HS3ST4: variants seen among roughly 807,000 people sequenced by gnomAD.
HS3ST4 encodes heparan sulfate glucosamine 3-O-sulfotransferase 4.
Under a neutral mutation model 29.2 loss-of-function variants are expected in HS3ST4, and 17 were observed. The ratio of observed to expected loss-of-function variants is 0.58; its 90% CI spans 0.40 to 0.87. The LOEUF (loss-of-function observed/expected upper bound fraction) is 0.87, where lower values mean the gene tolerates loss of function less well. Among genes scored for constraint, HS3ST4 ranks in the 40% least tolerant of loss-of-function variants. The pLI, the probability that HS3ST4 is intolerant of heterozygous loss-of-function variation, is 0.00. For missense variants in HS3ST4, 627 were observed against 634.5 expected (o/e 0.99, Z 0.13); for synonymous variants, 314 against 285.7 (o/e 1.10, Z -1.00).
intron 1 of HS3ST4, among the ~76,000 whole-genome samples, chr16:25,989,515 A>G (rs759274334): frequency 2.0e-5 from 3 of 152,178 alleles, no homozygotes; most frequent in Non-Finnish European, 2.9e-5. Context: ...GAAAGTCCTC[A>G]GCTATATAAA....
intron 1 of HS3ST4, among the ~76,000 whole-genome samples, chr16:25,873,091 T>A (rs1269725487): frequency 6.6e-6 from 1 of 152,054 alleles, no homozygotes; most frequent in Non-Finnish European, 1.5e-5. Context: ...TTTTGTGGAG[T>A]TCTAACTGTT....
chr16:26,123,560 G>A (rs1899304286), intron 1 of HS3ST4, among the ~76,000 whole-genome samples: 1 of 152,090 alleles, frequency 6.6e-6, no homozygotes, highest in Non-Finnish European at 1.5e-5. Flanking sequence ...ATAGTTTTTG[G>A]GGTACATGAA....
intron 1 of HS3ST4, among the ~76,000 whole-genome samples, chr16:26,016,924 G>A (rs1365273401): frequency 6.6e-6 from 1 of 152,120 alleles, no homozygotes; most frequent in Non-Finnish European, 1.5e-5. Flanking sequence ...GAGGCTGCAG[G>A]CAAGAGAAAG....
chr16:25,777,644 TG>T (rs1966848841), intron 1 of HS3ST4, among the ~76,000 whole-genome samples: 1 of 152,156 alleles, frequency 6.6e-6, no homozygotes, highest in African/African-American at 2.4e-5. Flanking sequence ...GCCAGGCGCC[TG>T]TAGTCCCAGT....
intron 1 of HS3ST4, among the ~76,000 whole-genome samples, chr16:25,924,349 A>C (rs1319293456): frequency 6.6e-6 from 1 of 152,178 alleles, no homozygotes; most frequent in Non-Finnish European, 1.5e-5. Flanking sequence ...TGAAGATGGA[A>C]ACAGCCTTTC....
At chr16:25,802,472 A>G (rs1486886254) in intron 1 of HS3ST4, among the ~76,000 whole-genome samples, 2 of 151,974 alleles carry the variant, frequency 1.3e-5, no homozygotes, top group African/African-American at 4.8e-5. Flanking sequence ...GGCAAATACA[A>G]CAATTTTTTA....
chr16:25,741,391 G>T (rs998226702), intron 1 of HS3ST4, among the ~76,000 whole-genome samples: 2 of 55,470 alleles, frequency 3.6e-5, no homozygotes, highest in Non-Finnish European at 8.2e-5. Context: ...AAAAAAAAAA[G>T]GCGGGGGGAG....
chr16:26,062,464 G>A (rs1567304309), intron 1 of HS3ST4, among the ~76,000 whole-genome samples: 2 of 152,202 alleles, frequency 1.3e-5, no homozygotes, highest in Non-Finnish European at 2.9e-5. Context: ...TCAATCAAAT[G>A]AGGACCGACT....
intron 1 of HS3ST4, among the ~76,000 whole-genome samples, chr16:25,711,432 C>A (rs1966414625): frequency 6.6e-6 from 1 of 152,072 alleles, no homozygotes; most frequent in Admixed American, 6.5e-5. Context: ...GGAGGGAAAG[C>A]AGTGCTTCTC....
chr16:26,006,303 A>G (rs12918853), intron 1 of HS3ST4, among the ~76,000 whole-genome samples: 1 of 138,862 alleles, frequency 7.2e-6, no homozygotes, highest in African/African-American at 2.6e-5. Context: ...TGTTTCAGAA[A>G]AAAAAAAAAA....
intron 1 of HS3ST4, among the ~76,000 whole-genome samples, chr16:26,022,572 A>G (rs1969424584): frequency 1.3e-5 from 2 of 152,044 alleles, no homozygotes; most frequent in South Asian, 4.1e-4. Context: ...GTGGAAATGG[A>G]GGAGTGTGTC....
rs573800642 is a variant in HS3ST4 at position 25,960,769 on chromosome 16, A to C, written c.735-174843A>C. On this transcript the variant is annotated intron_variant, in intron 1 of 1. Coordinates refer to ENST00000331351, the MANE Select transcript of HS3ST4 (RefSeq NM_006040.3). ...TTTCTGGGGAGTTCAAAATGAGATAATAAATGTTAAAAATCAGAGTGATAT... is the reference window on the plus strand; with the variant it reads ...TTTCTGGGGAGTTCAAAATGAGATACTAAATGTTAAAAATCAGAGTGATAT... 5.1e-4 allele frequency among the ~76,000 whole-genome samples: 77 copies of C among 152,354 alleles called. 1 individual carries two copies. Among genetic ancestry groups the C allele is most frequent in the African/African-American group, 1.8e-3 (76 of 41,582 alleles).
chr16:25,793,486 A>G (rs1008220026), intron 1 of HS3ST4, among the ~76,000 whole-genome samples: 1 of 151,970 alleles, frequency 6.6e-6, no homozygotes, highest in Non-Finnish European at 1.5e-5. Flanking sequence ...CAGATTTAGA[A>G]TGCTTGTATC....
Position 25,909,135 on chromosome 16 carries a change from T to C in HS3ST4, c.734+215984T>C, listed in dbSNP as rs117036978. ...TAGTCGCCTAGGGATGTTATTAAAATGCATGTTCTGATTTTGTAGGTCTGG... is the reference window on the plus strand; with the variant it reads ...TAGTCGCCTAGGGATGTTATTAAAACGCATGTTCTGATTTTGTAGGTCTGG... On this transcript the variant is annotated intron_variant, in intron 1 of 1. Transcript: ENST00000331351. 5.8e-3 allele frequency among the ~76,000 whole-genome samples: 887 copies of C among 152,320 alleles called. 6 individuals are homozygous for C. The highest frequency in any genetic ancestry group is 9.4e-3 in the Non-Finnish European group (642 of 68,028).
chr16:25,907,553 A>G (rs573372206), intron 1 of HS3ST4, among the ~76,000 whole-genome samples: 1 of 152,356 alleles, frequency 6.6e-6, no homozygotes, highest in South Asian at 2.1e-4. Context: ...CCAGAGACTT[A>G]GCCGCCTGCC....
chr16:26,051,905 C>CCTCCCTCA, intron 1 of HS3ST4, among the ~76,000 whole-genome samples: 1 of 128,960 alleles, frequency 7.8e-6, no homozygotes, highest in Middle Eastern at 4.1e-3. Flanking sequence ...TCCCTCCCTC[C>CCTCCCTCA]CTCCCTCCCT....
chr16:26,071,151 C>G (rs1041213468), intron 1 of HS3ST4, among the ~76,000 whole-genome samples: 1 of 151,066 alleles, frequency 6.6e-6, no homozygotes, highest in Non-Finnish European at 1.5e-5. Context: ...GCCCTATAGG[C>G]GTCCCTACAC....
intron 1 of HS3ST4, among the ~76,000 whole-genome samples, chr16:25,745,001 G>A (rs553090690): frequency 6.6e-6 from 1 of 150,448 alleles, no homozygotes; most frequent in East Asian, 2.0e-4. Context: ...CATCCTAAAT[G>A]GGAGGAATAG....
At chr16:26,005,254 A>G (rs774134078) in intron 1 of HS3ST4, among the ~76,000 whole-genome samples, 6 of 152,216 alleles carry the variant, frequency 3.9e-5, no homozygotes, top group African/African-American at 1.4e-4. Flanking sequence ...ATTTTTAAAT[A>G]ATATAGCCCA....
Sources: gnomAD v4.1 joint callset for allele counts (sites outside exome capture counted in the v4.1 genomes callset) on GRCh38, gnomAD v4.1.1 for gene constraint, MANE v1.5 for transcripts, NCBI Gene and HGNC (gene_info 2026-07-23, HGNC 2026-07-21) for gene names.